Variants in OXNAD1 observed in about 807,000 individuals in gnomAD.
OXNAD1 encodes the protein oxidoreductase NAD-binding domain-containing protein 1.
Under a neutral mutation model 32.9 loss-of-function variants are expected in OXNAD1, and 34 were observed. The observed-to-expected ratio is 1.03, with a 90% CI of 0.79 to 1.38. The LOEUF (loss-of-function observed/expected upper bound fraction) is 1.38. Ranked by LOEUF, OXNAD1 falls within the 40% of genes most tolerant of loss-of-function variation. OXNAD1 has a pLI of 0.00. For missense variants in OXNAD1, 407 were observed against 379.4 expected, an observed-to-expected ratio of 1.07 and a Z score of -0.60; for synonymous variants, 134 against 135.2, an observed-to-expected ratio of 0.99 and a Z score of 0.06.
chr3:16,303,566 G>T lies in OXNAD1; in HGVS notation c.*4G>T. 1 of 1,613,070 alleles carries T rather than the reference G, an allele frequency of 6.2e-7. No homozygotes were observed. The highest frequency in any genetic ancestry group is 1.7e-5 in the Admixed American group (1 of 59,930). On this transcript the variant is annotated 3_prime_UTR_variant, in exon 9 of 9. Transcript: ENST00000285083. This position sits in a 1 kb window ranked among gnomAD's most constrained non-coding sequence, Gnocchi z 4.8. ...TTGCTTTGAGAAGTGGTGGTAGGAG[G>T]CAGACAAAGGCAGAAAAAATAAAGA... is the stretch of plus-strand genomic sequence containing the variant.
At chr3:16,310,049 T>C (rs1479061657), downstream of OXNAD1, among the ~76,000 whole-genome samples, 1 of 152,212 alleles carries the variant, frequency 6.6e-6, no homozygotes, top group Admixed American at 6.5e-5. Context: ...CAGGGGACTT[T>C]TGGACTATAC....
At position 16,295,049 on chromosome 3, in the gene OXNAD1, C is replaced by G. The variant is rs1162980043; in HGVS notation, c.432+52C>G. On this transcript the variant is annotated intron_variant, in intron 6 of 8. Coordinates refer to ENST00000285083, the MANE Select transcript of OXNAD1 (RefSeq NM_138381.5). ...ATGATCTGGGTATCTCTGCCACCCA[C>G]AAAATTTGTGTTAAGCTCATTTGAT... The G allele has an allele frequency of 7.8e-6, 12 of 1,534,954 alleles. No individual in the cohort carries two copies. The African/African-American group carries it at 1.7e-4, about 21-fold the overall frequency.
At chr3:16,326,637 C>G (rs1361478285) in intron 9 of OXNAD1, 1 of 657,182 alleles carries the variant, frequency 1.5e-6, no homozygotes, top group Non-Finnish European at 2.6e-6. Context: ...CTGCTGCTTC[C>G]CAGTGGGAGA....
chr3:16,325,866 G>A (rs1179913734), intron 9 of OXNAD1, among the ~76,000 whole-genome samples: 7 of 152,246 alleles, frequency 4.6e-5, no homozygotes, highest in Non-Finnish European at 8.8e-5. Context: ...TCACTCTGCA[G>A]TGGTGAATAT....
At chr3:16,295,441 C>T (rs1469355128) in intron 6 of OXNAD1, among the ~76,000 whole-genome samples, 2 of 152,110 alleles carry the variant, frequency 1.3e-5, no homozygotes, top group Non-Finnish European at 2.9e-5. Flanking sequence ...TCCACGGTGC[C>T]ATTGCCTCTC....
At chr3:16,278,478 A>G (rs1025391211) in intron 4 of OXNAD1, among the ~76,000 whole-genome samples, 1 of 152,220 alleles carries the variant, frequency 6.6e-6, no homozygotes, top group Non-Finnish European at 1.5e-5. Context: ...TTTAGGTAGG[A>G]TGACCCTGCT....
In OXNAD1 at chr3:16,316,959, C is replaced by G; in HGVS notation, c.*30+13367C>G. On this transcript the variant is annotated intron_variant, in intron 9 of 9. Transcript: ENST00000435829. This position sits in a 1 kb window ranked among gnomAD's most constrained non-coding sequence, Gnocchi z 4.5. ...CTGTGGCTGGCAGGACCATTCTGCA[C>G]AGCCTCACCCTCCACACCCACCCCA... 3 of 1,614,030 alleles carry G rather than the reference C, an allele frequency of 1.9e-6. No homozygotes were observed. The highest frequency in any genetic ancestry group is 2.5e-6 in the Non-Finnish European group (3 of 1,180,026).
rs1371399276 is a variant in OXNAD1 at position 16,320,674 on chromosome 3, A to G, written c.*31-16438A>G. Reference sequence around the variant, plus strand: ...TAAAAGGAGACAGCACTGTTCTGAGAAAAGGATGCTCGAGTAGAGCTAGAA... The same window carrying G: ...TAAAAGGAGACAGCACTGTTCTGAGGAAAGGATGCTCGAGTAGAGCTAGAA... On this transcript the variant is annotated intron_variant, in intron 9 of 9. Transcript: ENST00000435829. The surrounding 1 kb of genome is among the most constrained non-coding windows in gnomAD (Gnocchi z 4.5). Among the ~76,000 whole-genome samples, 3 of 152,226 alleles carry G rather than the reference A, an allele frequency of 2.0e-5. No individual in the cohort carries two copies. Among genetic ancestry groups the G allele is most frequent in the Non-Finnish European group, 2.9e-5 (2 of 68,042 alleles).
intron 4 of OXNAD1, among the ~76,000 whole-genome samples, chr3:16,281,241 A>G (rs1005091259): frequency 1.3e-5 from 2 of 152,256 alleles, no homozygotes; most frequent in African/African-American, 4.8e-5. Flanking sequence ...CATGTCTTTA[A>G]AAATAATGAA....
chr3:16,323,514 T>A (rs1342494172), intron 9 of OXNAD1: 1 of 1,241,638 alleles, frequency 8.1e-7, no homozygotes, highest in East Asian at 2.3e-5. Context: ...ACCCAAAACC[T>A]GACACAGATG....
rs1290504788 is a variant in OXNAD1, at chr3:16,302,591, TTTTGA to T, written c.676-45_676-41del. ...CAGCGTCAATGGTTGTGCACATCTG[TTTTGA>T]TTTTTTAAAATTGTAGTGTGACCAA... On this transcript the variant is annotated intron_variant, in intron 7 of 8. Coordinates refer to ENST00000285083, the MANE Select transcript of OXNAD1 (RefSeq NM_138381.5). This position sits in a 1 kb window ranked among gnomAD's most constrained non-coding sequence, Gnocchi z 4.2. 2.3e-6 allele frequency: 3 copies of T among 1,325,446 alleles called. No individual in the cohort carries two copies. The highest frequency in any genetic ancestry group is 3.2e-6 in the Non-Finnish European group (3 of 934,698). The allele number at this position is 1,325,446 out of a possible 1,614,324, so 82.1% of individuals were successfully genotyped here. A position where few individuals can be genotyped will look rare whatever the true frequency, so the allele number is the denominator to read the frequency against.
chr3:16,324,589 G>T (rs2069467280), intron 9 of OXNAD1, among the ~76,000 whole-genome samples: 4 of 138,026 alleles, frequency 2.9e-5, no homozygotes, highest in South Asian at 2.3e-4. Flanking sequence ...GCTCATCCTT[G>T]TAATAAATAA....
intron 5 of OXNAD1, among the ~76,000 whole-genome samples, chr3:16,293,586 T>C (rs2066567246): frequency 6.6e-6 from 1 of 152,202 alleles, no homozygotes. Flanking sequence ...TTGTTTCTCT[T>C]AGGGGGGAAA....
Position 16,346,960 on chromosome 3 carries a change from T to A in OXNAD1, c.*31-2216T>A, listed in dbSNP as rs1344627401. On this transcript the variant is annotated intron_variant, in intron 9 of 9. Coordinates refer to the OXNAD1 transcript ENST00000606098. This position sits in a 1 kb window ranked among gnomAD's most constrained non-coding sequence, Gnocchi z 4.4. ...GCTCTAGACTTCCTGCTCAATGAGA[T>A]GAGATGAACACCCCTACGGCTTAAG... Among the ~76,000 whole-genome samples, 1 of 152,190 alleles carries A rather than the reference T, an allele frequency of 6.6e-6. No homozygotes were observed. The highest frequency in any genetic ancestry group is 2.4e-5 in the African/African-American group (1 of 41,454).
chr3:16,311,246 T>G (rs1351164918), intron 9 of OXNAD1, among the ~76,000 whole-genome samples: 1 of 131,652 alleles, frequency 7.6e-6, no homozygotes, highest in East Asian at 2.3e-4. Context: ...TAGGCTGGAG[T>G]GCAGTGGCAT....
Position 16,316,441 on chromosome 3 carries a change from C to T in OXNAD1, c.*30+12849C>T, listed in dbSNP as rs778104403. On this transcript the variant is annotated intron_variant, in intron 9 of 9. Coordinates refer to the OXNAD1 transcript ENST00000435829. This position sits in a 1 kb window ranked among gnomAD's most constrained non-coding sequence, Gnocchi z 4.5. ...CCACACGATGTGGGATGAACAGCAG[C>T]CTTGGTTTGTAGCCCAGGGTGTCCA... 1 of 280,698 alleles carries T rather than the reference C, an allele frequency of 3.6e-6. No homozygotes were observed. Among genetic ancestry groups the T allele is most frequent in the Non-Finnish European group, 6.8e-6 (1 of 146,198 alleles). The allele number at this position is 280,698 out of a possible 1,614,324, so 17.4% of individuals were successfully genotyped here.
intron 9 of OXNAD1, among the ~76,000 whole-genome samples, chr3:16,318,832 C>T (rs1022410218): frequency 1.3e-5 from 2 of 152,230 alleles, no homozygotes; most frequent in Non-Finnish European, 2.9e-5. Context: ...AGCTGACAGA[C>T]TTCCCTTAGG....
rs2070071276 is a variant in OXNAD1, at chr3:16,329,413, A to G, written c.*31-7699A>G. 6.6e-6 allele frequency among the ~76,000 whole-genome samples: 1 copy of G among 152,212 alleles called. No individual in the cohort carries two copies. Among genetic ancestry groups the G allele is most frequent in the Admixed American group, 6.5e-5 (1 of 15,290 alleles). On this transcript the variant is annotated intron_variant, in intron 9 of 9. Transcript: ENST00000435829. The surrounding 1 kb of genome is among the most constrained non-coding windows in gnomAD (Gnocchi z 4.5). ...GAGGAGGGAAGGGAGGAAAGGAGAG[A>G]GAGGTACAAGAATAATCCGTTTACA...
chr3:16,270,626 C>G (rs568154231), intron 2 of OXNAD1, among the ~76,000 whole-genome samples: 1 of 152,278 alleles, frequency 6.6e-6, no homozygotes, highest in East Asian at 1.9e-4. Context: ...GTTATAAAAT[C>G]TCCCCTCTTC....
Sources: gnomAD v4.1 joint callset for allele counts (sites outside exome capture counted in the v4.1 genomes callset) on GRCh38, gnomAD v4.1.1 for gene constraint, Gnocchi (gnomAD v3.1) non-coding constraint, MANE v1.5 for transcripts, NCBI Gene and HGNC (gene_info 2026-07-23, HGNC 2026-07-21) for gene names.